The following C14orf39 variants were observed in gnomAD, a reference collection of about 807,000 sequenced individuals.
C14orf39 encodes chromosome 14 open reading frame 39, also known as protein SIX6OS1.
A neutral mutation model predicts 85.6 loss-of-function variants in C14orf39; 66 were observed. That is an observed-to-expected ratio of 0.77 (90% CI 0.63 to 0.95). C14orf39 has a LOEUF of 0.95. C14orf39 is among the 40% of genes least tolerant of loss of function. The pLI is 0.00. For synonymous variants in C14orf39, 242 were observed against 214.0 expected, an observed-to-expected ratio of 1.13 and a Z score of -1.14; for missense variants, 735 against 663.9, an observed-to-expected ratio of 1.11 and a Z score of -1.18.
chr14:60,465,365 C>A (rs960549237), intron 11 of C14orf39, among the ~76,000 whole-genome samples: 2 of 152,244 alleles, frequency 1.3e-5, no homozygotes, highest in South Asian at 2.1e-4. Context: ...GCAGTTAGCT[C>A]TCTGGGTGGT....
chr14:60,482,879 G>GGTGTTGTGT (rs1555359399), intron 4 of C14orf39, among the ~76,000 whole-genome samples: 3 of 146,644 alleles, frequency 2.0e-5, no homozygotes, highest in Non-Finnish European at 4.5e-5. Context: ...TATATAGACA[G>GGTGTTGTGT]GTGTGTGTGT....
chr14:60,483,052 T>C (rs763994802), intron 4 of C14orf39, among the ~76,000 whole-genome samples: 2 of 152,102 alleles, frequency 1.3e-5, no homozygotes, highest in Non-Finnish European at 2.9e-5. Context: ...GCTTGAACAT[T>C]TGTATTTGGT....
chr14:60,492,861 C>A lies in C14orf39; in HGVS notation c.-9+6435G>T, dbSNP rs1438511239. On this transcript the variant is annotated intron_variant, in intron 2 of 5. Coordinates refer to the C14orf39 transcript ENST00000556799. ...GGACTTGCCTGTTCTAACTTTGCAG[C>A]CTCCAAGAAATACTTAGGAAAAAAA... is the stretch of plus-strand genomic sequence containing the variant. 4.6e-5 allele frequency among the ~76,000 whole-genome samples: 7 copies of A among 152,202 alleles called. No homozygotes were observed. The East Asian group carries it at 1.4e-3, about 29-fold the overall frequency.
At chr14:60,443,196 G>C (rs1890605314) in intron 16 of C14orf39, among the ~76,000 whole-genome samples, 3 of 151,356 alleles carry the variant, frequency 2.0e-5, no homozygotes, top group Admixed American at 2.0e-4. Context: ...GCCCACAGAG[G>C]GTGAGCTGCA....
chr14:60,509,311 G>T, intron 1 of C14orf39: 1 of 1,166,014 alleles, frequency 8.6e-7, no homozygotes, highest in East Asian at 2.4e-5. Flanking sequence ...TCATCAACAA[G>T]CGCCTGGCAC....
In C14orf39 at chr14:60,443,630, G is replaced by A. The variant is rs143059620; in HGVS notation, c.1504-1499C>T. ...CAAAAGGCAATAGAAAACTTCTGCA[G>A]ACCTAAATGTCCCTGTCTGACAGCT... On this transcript the variant is annotated intron_variant, in intron 16 of 17. Transcript: ENST00000321731. Among the ~76,000 whole-genome samples, 19 of 152,336 alleles carry A rather than the reference G, an allele frequency of 1.2e-4. No individual in the cohort carries two copies. The East Asian group carries it at 3.5e-3, about 28-fold the overall frequency.
In C14orf39 at chr14:60,469,600, G is replaced by C; in HGVS notation, c.608C>G (p.Thr203Ser). 6.6e-7 allele frequency: 1 copy of C among 1,515,298 alleles called. No individual in the cohort carries two copies. The highest frequency in any genetic ancestry group is 8.9e-7 in the Non-Finnish European group (1 of 1,123,698). The allele number at this position is 1,515,298 out of a possible 1,614,324, so 93.9% of individuals were successfully genotyped here. A position where few individuals can be genotyped will look rare whatever the true frequency, so the allele number is the denominator to read the frequency against. The change falls in exon 8 of 18, where the codon ACC becomes AGC. Residue 203 changes from threonine to serine, a missense_variant. Coordinates refer to ENST00000321731, the MANE Select transcript of C14orf39 (RefSeq NM_174978.3). Reference sequence around the variant, plus strand: ...TTTCTTCAATTCGGATGAACTTTTGGTAAGATTGCTGGCATGTTTAAGAAT... The same window carrying C: ...TTTCTTCAATTCGGATGAACTTTTGCTAAGATTGCTGGCATGTTTAAGAAT... ...QDILKHASNL[T>S]KSSSELKKEV... is the part of the protein sequence containing the mutation.
chr14:60,449,633 A>G (rs2039726734), intron 16 of C14orf39, among the ~76,000 whole-genome samples: 2 of 152,194 alleles, frequency 1.3e-5, no homozygotes, highest in South Asian at 4.2e-4. Context: ...GGATTTTGTC[A>G]ATTTTGTCAA....
chr14:60,472,772 T>C (rs935146466), intron 5 of C14orf39, among the ~76,000 whole-genome samples: 3 of 152,200 alleles, frequency 2.0e-5, no homozygotes, highest in Non-Finnish European at 2.9e-5. Context: ...CCATGATGTA[T>C]ATGTGCCACA....
intron 1 of C14orf39, chr14:60,511,229 A>G: frequency 6.2e-7 from 1 of 1,613,412 alleles, no homozygotes; most frequent in Non-Finnish European, 8.5e-7. Context: ...CATCACGTCC[A>G]GCGACAGCGA....
chr14:60,449,845 A>C (rs1890953016), intron 16 of C14orf39, among the ~76,000 whole-genome samples: 1 of 152,214 alleles, frequency 6.6e-6, no homozygotes. Flanking sequence ...TAAATTATTT[A>C]AAGCTATTTT....
chr14:60,484,594 G>C lies in C14orf39; in HGVS notation c.106+287C>G, dbSNP rs1056397109. On this transcript the variant is annotated intron_variant, in intron 3 of 17. Coordinates refer to ENST00000321731, the MANE Select transcript of C14orf39 (RefSeq NM_174978.3). The surrounding 1 kb of genome is among the most constrained non-coding windows in gnomAD (Gnocchi z 4.2). ...TTCACTCAACTATTTGAAATAACTT[G>C]TTATTAGAGAAAAATAACATCTTTT... Among the ~76,000 whole-genome samples, 1 of 152,074 alleles carries C rather than the reference G, an allele frequency of 6.6e-6. No homozygotes were observed.
At chr14:60,499,819 T>C (rs1378071543) in intron 1 of C14orf39, among the ~76,000 whole-genome samples, 2 of 152,210 alleles carry the variant, frequency 1.3e-5, no homozygotes, top group Non-Finnish European at 2.9e-5. Flanking sequence ...TGACCTTACA[T>C]ATGATTTTGA....
intron 15 of C14orf39, 120 bp downstream of exon 15, chr14:60,456,797 G>A (rs1008234898): frequency 1.2e-6 from 1 of 803,844 alleles, no homozygotes. Context: ...TTCTTTGCAT[G>A]TCTGAAATAC....
In C14orf39 at chr14:60,483,699, G is replaced by T; in HGVS notation, c.225C>A (p.Asn75Lys). The T allele has an allele frequency of 6.3e-7, 1 of 1,585,982 alleles. No individual in the cohort carries two copies. ...TTCTTTCAAATACTCACTTTCTACA[G>T]TTGTCTTTAATCTCCTCACTATGTT... ...YCKHSEEIKDNCRNWKPTCDV... is the reference protein window; with the variant it reads ...YCKHSEEIKDKCRNWKPTCDV... Residue 75 changes from asparagine (N) to lysine (K), a missense_variant, in exon 4 of 18, where the codon AAC becomes AAA. Transcript: ENST00000321731.
In C14orf39 at chr14:60,468,438, C is replaced by G. The variant is rs1167133412; in HGVS notation, c.767+7G>C. The G allele has an allele frequency of 6.6e-7, 1 of 1,524,574 alleles. No individual in the cohort carries two copies. 94.4% of individuals were successfully genotyped at this position (1,524,574 alleles called of 1,614,324 possible). A position where few individuals can be genotyped will look rare whatever the true frequency, so the allele number is the denominator to read the frequency against. On this transcript the variant is annotated splice_region_variant and intron_variant, in intron 9 of 17. Transcript: ENST00000321731. ...ACATAAAATTTAATTTTAAAGGTTA[C>G]CTATACCTTTCTTTCAGTTCTTTTC...
chr14:60,492,837 G>T (rs993145192), intron 2 of C14orf39, among the ~76,000 whole-genome samples: 10 of 152,044 alleles, frequency 6.6e-5, no homozygotes, highest in African/African-American at 1.9e-4. Context: ...TCACAGCCAG[G>T]ACTTGCCTGT....
At chr14:60,470,685 C>T (rs1054572583) in intron 7 of C14orf39, among the ~76,000 whole-genome samples, 5 of 151,604 alleles carry the variant, frequency 3.3e-5, no homozygotes, top group Non-Finnish European at 7.4e-5. Context: ...AGACTAAAAC[C>T]AAAACATGGA....
chr14:60,511,021 T>G, intron 1 of C14orf39: 2 of 1,543,022 alleles, frequency 1.3e-6, no homozygotes, highest in Non-Finnish European at 1.8e-6. Flanking sequence ...CAGGAGGTGG[T>G]GGGGGCGGGC....
Sources: allele counts gnomAD v4.1 joint callset (sites outside exome capture counted in the v4.1 genomes callset), GRCh38; gene constraint gnomAD v4.1.1; non-coding constraint Gnocchi (gnomAD v3.1); transcripts MANE v1.5; gene names NCBI Gene and HGNC (gene_info 2026-07-23, HGNC 2026-07-21).